The following ZMYM2 variants were observed in gnomAD, a reference collection of about 807,000 sequenced individuals.
The protein encoded by ZMYM2 is zinc finger MYM-type protein 2.
ZMYM2 carries 56 observed loss-of-function variants against 162.8 expected under a neutral mutation model. That is an observed-to-expected ratio of 0.34 (90% CI 0.28 to 0.43). The LOEUF (loss-of-function observed/expected upper bound fraction) is 0.43. Ranked by LOEUF, ZMYM2 falls within the 20% of genes least tolerant of loss-of-function variation. The probability of loss-of-function intolerance (pLI) is 1.00; values close to 1 mark genes in which losing one functional copy is unlikely to be tolerated. For missense variants in ZMYM2, 1,275 were observed against 1,621.8 expected (o/e 0.79, Z 3.67); for synonymous variants, 510 against 541.6 (o/e 0.94, Z 0.81).
the ZMYM2 span, among the ~76,000 whole-genome samples, chr13:19,881,965 G>A: frequency 1.6e-5 from 2 of 123,766 alleles, no homozygotes; most frequent in East Asian, 2.4e-4. Flanking sequence ...CTGGGCAAGA[G>A]TGAGACTCTG....
At chr13:19,974,662 G>C (rs1956628178) in intron 2 of ZMYM2, among the ~76,000 whole-genome samples, 1 of 151,912 alleles carries the variant, frequency 6.6e-6, no homozygotes, top group Admixed American at 6.6e-5. Context: ...AGTAGAGATG[G>C]GGTTTCACCA....
At chr13:19,910,536 T>A in the ZMYM2 span, among the ~76,000 whole-genome samples, 2 of 150,316 alleles carry the variant, frequency 1.3e-5, no homozygotes, top group East Asian at 3.9e-4. Context: ...CTCTCTCTCT[T>A]TTTTTTTTTT....
At chr13:19,904,237 A>C in the ZMYM2 span, among the ~76,000 whole-genome samples, 1 of 152,108 alleles carries the variant, frequency 6.6e-6, no homozygotes, top group Non-Finnish European at 1.5e-5. Flanking sequence ...AGTGAATATC[A>C]AACCTATGTC....
intron 2 of ZMYM2, among the ~76,000 whole-genome samples, chr13:19,981,532 A>G (rs1360309760): frequency 6.6e-6 from 1 of 152,076 alleles, no homozygotes; most frequent in East Asian, 1.9e-4. Context: ...CCTGCAATAT[A>G]CCATTTCTCC....
chr13:20,011,841 C>T (rs1416347322), intron 6 of ZMYM2, among the ~76,000 whole-genome samples: 8 of 151,566 alleles, frequency 5.3e-5, no homozygotes, highest in African/African-American at 1.5e-4. Flanking sequence ...CTCCACCTCC[C>T]GCGTTCAAGC....
rs542737180 is a variant in ZMYM2 at position 20,079,015 on chromosome 13, A to T, written c.3454-3001A>T. Among the ~76,000 whole-genome samples the T allele has an allele frequency of 2.5e-3, 362 of 144,366 alleles. 1 individual carries two copies. The highest frequency in any genetic ancestry group is 3.5e-3 in the Non-Finnish European group (228 of 65,526). The allele number at this position is 144,366 out of a possible 152,430, so 94.7% of individuals were successfully genotyped here. On this transcript the variant is annotated intron_variant, in intron 21 of 24. Coordinates refer to ENST00000610343, the MANE Select transcript of ZMYM2 (RefSeq NM_197968.4). ...ACTCTTAAAAAAGGAATTTATATTTAAAAAAAAAAAAGATACTTTTATTGG... is the reference window on the plus strand; with the variant it reads ...ACTCTTAAAAAAGGAATTTATATTTTAAAAAAAAAAAGATACTTTTATTGG...
At chr13:20,028,181 G>A (rs187129550) in intron 9 of ZMYM2, 48 of 160,014 alleles carry the variant, frequency 3.0e-4, no homozygotes, top group Non-Finnish European at 3.2e-4. Flanking sequence ...ATGAATGTCA[G>A]TTTTTGTTAA....
rs558431446 is a variant in ZMYM2, at chr13:20,027,249, A to G, written c.1782A>G (p.Gln594=). ...TTTGTAAGCGAAACTCTTTACCTCA[A>G]TACCAAGCCACAATGCCTGATGGAA... ...CHFCKRNSLP[Q]YQATMPDGKL... is the part of the protein sequence containing the mutation. Residue 594 remains glutamine, a synonymous_variant, in exon 9 of 25, where the codon CAA becomes CAG. Coordinates refer to ENST00000610343, the MANE Select transcript of ZMYM2 (RefSeq NM_197968.4). 8 of 1,586,050 alleles carry G rather than the reference A, an allele frequency of 5.0e-6. No homozygotes were observed. The highest frequency in any genetic ancestry group is 2.7e-5 in the African/African-American group (2 of 74,610).
chr13:20,035,602 A>G (rs912854001), intron 11 of ZMYM2, among the ~76,000 whole-genome samples: 1 of 152,214 alleles, frequency 6.6e-6, no homozygotes, highest in Non-Finnish European at 1.5e-5. Context: ...CATTTGGATT[A>G]TATGGACTTT....
chr13:19,923,423 T>G, the ZMYM2 span, among the ~76,000 whole-genome samples: 1 of 149,740 alleles, frequency 6.7e-6, no homozygotes, highest in Non-Finnish European at 1.5e-5. Flanking sequence ...TTCCAGTGAA[T>G]TGCTTATCCT....
chr13:20,021,513 C>T (rs962172596), intron 7 of ZMYM2, among the ~76,000 whole-genome samples: 14 of 151,970 alleles, frequency 9.2e-5, no homozygotes, highest in African/African-American at 3.4e-4. Context: ...AAATTAACCT[C>T]GAATTATTTG....
At position 20,064,485 on chromosome 13, in the gene ZMYM2, A is replaced by G. The variant is rs1956518350; in HGVS notation, c.3072A>G (p.Leu1024=). Residue 1024 remains leucine (L), a synonymous_variant, in exon 19 of 25, where the codon TTA becomes TTG. Coordinates refer to ENST00000610343, the MANE Select transcript of ZMYM2 (RefSeq NM_197968.4). The part of the protein sequence containing the change: ...AEELDMENEF[L]LPPVFGEEYE... ...AGCTTGATATGGAAAATGAATTTTT[A>G]TTACCACCTGTTTTTGGCGAAGAAT... The G allele has an allele frequency of 6.2e-7, 1 of 1,601,398 alleles. No individual in the cohort carries two copies. Among genetic ancestry groups the G allele is most frequent in the Non-Finnish European group, 8.5e-7 (1 of 1,173,822 alleles).
intron 2 of ZMYM2, among the ~76,000 whole-genome samples, chr13:19,963,419 T>A (rs1288231371): frequency 6.6e-6 from 1 of 152,326 alleles, no homozygotes; most frequent in African/African-American, 2.4e-5. Context: ...TGAGAAAAAT[T>A]GCTGTTGGAT....
chr13:19,985,160 G>A (rs1337851948), intron 2 of ZMYM2, among the ~76,000 whole-genome samples: 1 of 152,148 alleles, frequency 6.6e-6, no homozygotes, highest in Non-Finnish European at 1.5e-5. Flanking sequence ...GTTTCACTCT[G>A]TTGCCCAGGC....
chr13:19,959,095 C>T lies in ZMYM2; in HGVS notation c.-80+254C>T, dbSNP rs1313704413. 3.3e-5 allele frequency among the ~76,000 whole-genome samples: 5 copies of T among 150,864 alleles called. No individual in the cohort carries two copies. In the East Asian group the frequency reaches 9.8e-4, roughly 30 times the overall value. ...TGTCACAGGCGCCTTTGCGTGCGGC[C>T]CGAGGGGCTGGGAGAGTGCGGGCGA... On this transcript the variant is annotated intron_variant, in intron 1 of 24. Transcript: ENST00000610343.
At chr13:19,995,702 G>A (rs554188680) in intron 3 of ZMYM2, among the ~76,000 whole-genome samples, 2 of 152,046 alleles carry the variant, frequency 1.3e-5, no homozygotes, top group Non-Finnish European at 2.9e-5. Flanking sequence ...TTTGAAGGTT[G>A]ATAGTTTTCT....
At position 20,003,106 on chromosome 13, in the gene ZMYM2, T is replaced by C. The variant is rs1199582068; in HGVS notation, c.1104T>C (p.Ala368=). The part of the protein sequence containing the change: ...TCLSSFSHKP[A]PKKLCVMCKK... The stretch of plus-strand genomic sequence containing the variant: ...TTTCTTCCTTCTCCCACAAGCCTGC[T>C]CCAAAGAAACTCTGTGTTATGTGTA... Residue 368 remains alanine (A), a synonymous_variant, in exon 4 of 25, where the codon GCT becomes GCC. Coordinates refer to ENST00000610343, the MANE Select transcript of ZMYM2 (RefSeq NM_197968.4). The C allele has an allele frequency of 5.0e-6, 8 of 1,614,166 alleles. No homozygotes were observed. In the South Asian group the frequency reaches 7.7e-5, roughly 16 times the overall value.
chr13:19,991,073 TA>T (rs1949571640), intron 2 of ZMYM2, among the ~76,000 whole-genome samples: 1 of 134,572 alleles, frequency 7.4e-6, no homozygotes, highest in Non-Finnish European at 1.6e-5. Context: ...TGTACGTATG[TA>T]TTTTCTGTGT....
At chr13:19,939,303 T>C in the ZMYM2 span, among the ~76,000 whole-genome samples, 52,192 of 151,690 alleles carry the variant, frequency 0.34, 9,104 homozygotes, top group Admixed American at 0.38. Context: ...GGATTACAGG[T>C]GTGAGCCACC....
Sources: gnomAD v4.1 joint callset for allele counts (sites outside exome capture counted in the v4.1 genomes callset) on GRCh38, gnomAD v4.1.1 for gene constraint, MANE v1.5 for transcripts, NCBI Gene and HGNC (gene_info 2026-07-23, HGNC 2026-07-21) for gene names.